Variants in SYT16 observed in about 807,000 individuals in gnomAD.
The protein encoded by SYT16 is synaptotagmin-16.
A neutral mutation model predicts 61.4 loss-of-function variants in SYT16; 42 were observed. That is an observed-to-expected ratio of 0.68 (90% CI 0.53 to 0.89). The LOEUF (loss-of-function observed/expected upper bound fraction) is 0.89, where lower values mean the gene tolerates loss of function less well. Ranked by LOEUF, SYT16 falls within the 40% of genes least tolerant of loss-of-function variation. The probability of loss-of-function intolerance (pLI) is 0.00; values close to 1 mark genes in which losing one functional copy is unlikely to be tolerated. For synonymous variants in SYT16, 314 were observed against 302.3 expected, an observed-to-expected ratio of 1.04 and a Z score of -0.40; for missense variants, 804 against 807.3, an observed-to-expected ratio of 1.00 and a Z score of 0.05.
chr14:62,081,254 G>A lies in SYT16; in HGVS notation c.1414G>A (p.Glu472Lys), dbSNP rs761577435. ...EGEMKVTLVL[E>K]PRSNISSGGS... ...GGAAATGAAAGTGACTCTGGTTCTGGAGCCAAGAAGTAATATAAGCGTGAG... is the reference window on the plus strand; with the variant it reads ...GGAAATGAAAGTGACTCTGGTTCTGAAGCCAAGAAGTAATATAAGCGTGAG... The change falls in exon 6 of 8, where the codon GAG becomes AAG. Residue 472 changes from glutamate to lysine, a missense_variant. Glu to Lys is a moderately conservative substitution (Grantham distance 56). Coordinates refer to ENST00000683842, the MANE Select transcript of SYT16 (RefSeq NM_001367656.1). 4.3e-6 allele frequency: 7 copies of A among 1,613,622 alleles called. No homozygotes were observed. The African/African-American group carries it at 8.0e-5, about 18-fold the overall frequency.
At chr14:62,056,892 G>T (rs8015283) in intron 3 of SYT16, among the ~76,000 whole-genome samples, 1 of 152,040 alleles carries the variant, frequency 6.6e-6, no homozygotes, top group South Asian at 2.1e-4. Flanking sequence ...GGACGAGCGC[G>T]GCGCCCAAGG....
At chr14:61,839,532 G>T (rs75514381) in intron 1 of SYT16, among the ~76,000 whole-genome samples, 13 of 152,072 alleles carry the variant, frequency 8.5e-5, no homozygotes, top group Admixed American at 7.2e-4. Context: ...TAGCTGTGCC[G>T]TGAGAAAGCA....
chr14:62,066,125 A>G (rs1227317507), intron 3 of SYT16, among the ~76,000 whole-genome samples: 1 of 152,220 alleles, frequency 6.6e-6, no homozygotes, highest in African/African-American at 2.4e-5. Context: ...AGAGCTAGAA[A>G]AGACCTGGGA....
At chr14:61,832,733 C>T (rs958717453) in intron 1 of SYT16, among the ~76,000 whole-genome samples, 1 of 152,100 alleles carries the variant, frequency 6.6e-6, no homozygotes, top group Non-Finnish European at 1.5e-5. Flanking sequence ...CCACCGTGCC[C>T]GGCCCAGCCC....
At chr14:61,837,246 T>TC (rs2046159794) in intron 1 of SYT16, among the ~76,000 whole-genome samples, 1 of 150,828 alleles carries the variant, frequency 6.6e-6, no homozygotes, top group Non-Finnish European at 1.5e-5. Flanking sequence ...TTTTTTTTTT[T>TC]TTTTTTTTGA....
chr14:61,839,781 C>G (rs1381974710), intron 1 of SYT16, among the ~76,000 whole-genome samples: 1 of 152,168 alleles, frequency 6.6e-6, no homozygotes, highest in East Asian at 1.9e-4. Flanking sequence ...GCATTATATT[C>G]CCATGCGCTT....
chr14:61,834,170 G>A (rs190151045), intron 1 of SYT16, among the ~76,000 whole-genome samples: 1 of 151,806 alleles, frequency 6.6e-6, no homozygotes, highest in Admixed American at 6.6e-5. Flanking sequence ...TCCCACTGTC[G>A]CCTGGGCTGG....
At chr14:61,979,807 G>T (rs1317949905) in intron 2 of SYT16, among the ~76,000 whole-genome samples, 1 of 152,086 alleles carries the variant, frequency 6.6e-6, no homozygotes, top group Non-Finnish European at 1.5e-5. Flanking sequence ...ACTTGAACCC[G>T]GGAGGGAGAG....
rs1239904837 is a variant in SYT16, at chr14:61,874,013, GA to G, written c.-325+61208del. On this transcript the variant is annotated intron_variant, in intron 1 of 7. Transcript: ENST00000683842. ...TAATACTCAGAATAATTAATACTCA[GA>G]AAAATACTCAGATTAATACTCAGAA... is the stretch of plus-strand genomic sequence containing the variant. Among the ~76,000 whole-genome samples, 3 of 152,166 alleles carry G rather than the reference GA, an allele frequency of 2.0e-5. No individual in the cohort carries two copies. The East Asian group carries it at 5.8e-4, about 29-fold the overall frequency.
intron 3 of SYT16, among the ~76,000 whole-genome samples, chr14:62,027,919 A>G (rs975517319): frequency 6.6e-6 from 1 of 152,164 alleles, no homozygotes; most frequent in Admixed American, 6.5e-5. Context: ...TTTTTATTGC[A>G]GACTTCTTCA....
At chr14:61,814,766 T>C (rs1247028888) in intron 1 of SYT16, among the ~76,000 whole-genome samples, 2 of 152,246 alleles carry the variant, frequency 1.3e-5, no homozygotes, top group African/African-American at 4.8e-5. Flanking sequence ...TTTTTTCTTA[T>C]TCAAAACTAA....
chr14:61,890,495 T>C (rs1313108262), intron 1 of SYT16, among the ~76,000 whole-genome samples: 1 of 104,590 alleles, frequency 9.6e-6, no homozygotes, highest in Non-Finnish European at 1.9e-5. Context: ...GTTTCCTTCA[T>C]GACAAAAAAA....
intron 1 of SYT16, among the ~76,000 whole-genome samples, chr14:61,853,797 C>T (rs971500371): frequency 1.3e-5 from 2 of 151,936 alleles, no homozygotes; most frequent in Admixed American, 1.3e-4. Context: ...AGGAGCTTCT[C>T]GGGGAAATAG....
intron 3 of SYT16, among the ~76,000 whole-genome samples, chr14:62,013,225 G>T (rs1479292332): frequency 6.6e-6 from 1 of 152,140 alleles, no homozygotes; most frequent in Non-Finnish European, 1.5e-5. Context: ...AGCTTGTTCA[G>T]TGTCACTATA....
intron 3 of SYT16, among the ~76,000 whole-genome samples, chr14:62,035,897 A>G (rs535752097): frequency 1.3e-5 from 2 of 152,194 alleles, no homozygotes; most frequent in Non-Finnish European, 2.9e-5. Context: ...CTACAGTAGG[A>G]TGGGGCTAAT....
intron 2 of SYT16, among the ~76,000 whole-genome samples, chr14:61,983,068 T>A (rs1424070208): frequency 6.6e-6 from 1 of 152,188 alleles, no homozygotes; most frequent in Non-Finnish European, 1.5e-5. Flanking sequence ...AAAAGAAATA[T>A]TTGTGTTGTT....
At position 62,100,823 on chromosome 14, in the gene SYT16, C is replaced by T. The variant is rs749196063; in HGVS notation, c.*116C>T. 2 of 1,054,490 alleles carry T rather than the reference C, an allele frequency of 1.9e-6. No homozygotes were observed. Among genetic ancestry groups the T allele is most frequent in the Non-Finnish European group, 2.7e-6 (2 of 747,486 alleles). The allele number at this position is 1,054,490 out of a possible 1,614,324, so 65.3% of individuals were successfully genotyped here. On this transcript the variant is annotated 3_prime_UTR_variant, in exon 8 of 8. Transcript: ENST00000683842. The stretch of plus-strand genomic sequence containing the variant: ...TTTCAAAAACAGATTCCACTAACCC[C>T]TAGGACATTGTGAGTGGGAGTTTTG...
At chr14:61,889,593 T>C (rs535585364) in intron 1 of SYT16, among the ~76,000 whole-genome samples, 1 of 151,830 alleles carries the variant, frequency 6.6e-6, no homozygotes, top group Non-Finnish European at 1.5e-5. Context: ...TTGCTCCCTC[T>C]CTCTCTCTCT....
chr14:62,040,377 G>A (rs1458892955), intron 3 of SYT16, among the ~76,000 whole-genome samples: 1 of 151,964 alleles, frequency 6.6e-6, no homozygotes, highest in Non-Finnish European at 1.5e-5. Context: ...CATACAATTG[G>A]GACATTTCAA....
Sources: allele counts gnomAD v4.1 joint callset (sites outside exome capture counted in the v4.1 genomes callset), GRCh38; gene constraint gnomAD v4.1.1; transcripts MANE v1.5; gene names NCBI Gene and HGNC (gene_info 2026-07-23, HGNC 2026-07-21).